Variants in PDE4D observed in about 807,000 individuals in gnomAD.
PDE4D encodes the protein 3',5'-cyclic-AMP phosphodiesterase 4D.
A neutral mutation model predicts 87.4 loss-of-function variants in PDE4D; 24 were observed. The observed-to-expected ratio is 0.27, with a 90% CI of 0.20 to 0.39. The LOEUF is 0.39. PDE4D is among the 10% of genes least tolerant of loss of function. The pLI is 1.00. For synonymous variants in PDE4D, 384 were observed against 383.2 expected (o/e 1.00, Z -0.02); for missense variants, 714 against 1,041.0 (o/e 0.69, Z 4.32).
At chr5:60,278,432 T>C (rs1751578822) in intron 1 of PDE4D, among the ~76,000 whole-genome samples, 1 of 152,146 alleles carries the variant, frequency 6.6e-6, no homozygotes, top group Admixed American at 6.5e-5. Context: ...GTTTATGTGT[T>C]TTACCAAATT....
At chr5:60,450,279 T>G (rs892386867) in intron 1 of PDE4D, among the ~76,000 whole-genome samples, 1 of 152,132 alleles carries the variant, frequency 6.6e-6, no homozygotes, top group Non-Finnish European at 1.5e-5. Flanking sequence ...CTGTGATTGA[T>G]ATTCATGACA....
At chr5:59,200,850 A>T (rs1342000854) in intron 2 of PDE4D, among the ~76,000 whole-genome samples, 3 of 152,022 alleles carry the variant, frequency 2.0e-5, no homozygotes, top group Non-Finnish European at 4.4e-5. Flanking sequence ...CACTGCATGT[A>T]TGTGAGCACA....
At chr5:60,368,815 T>C (rs1315757777) in intron 1 of PDE4D, among the ~76,000 whole-genome samples, 2 of 152,062 alleles carry the variant, frequency 1.3e-5, no homozygotes, top group Non-Finnish European at 2.9e-5. Flanking sequence ...AGTGAAGATG[T>C]GCCTGCTTCC....
At chr5:60,173,113 A>C (rs143001744) in intron 2 of PDE4D, among the ~76,000 whole-genome samples, 1 of 152,250 alleles carries the variant, frequency 6.6e-6, no homozygotes, top group East Asian at 1.9e-4. Flanking sequence ...TCCAGTAGGC[A>C]CATGGTGTAA....
At chr5:60,102,921 A>G (rs1467144637) in intron 2 of PDE4D, among the ~76,000 whole-genome samples, 3 of 151,928 alleles carry the variant, frequency 2.0e-5, no homozygotes, top group Non-Finnish European at 4.4e-5. Flanking sequence ...CTCACACTAA[A>G]TCCATTTTTA....
At chr5:59,788,912 T>G (rs1028737286) in intron 1 of PDE4D, among the ~76,000 whole-genome samples, 3 of 152,132 alleles carry the variant, frequency 2.0e-5, no homozygotes, top group African/African-American at 7.2e-5. Context: ...GATATGGGCT[T>G]TACAAAAAGA....
At chr5:60,244,092 C>A (rs922815004) in intron 1 of PDE4D, among the ~76,000 whole-genome samples, 1 of 151,770 alleles carries the variant, frequency 6.6e-6, no homozygotes, top group African/African-American at 2.4e-5. Flanking sequence ...AACTGGTAAG[C>A]AAATTCAGTA....
chr5:60,050,462 A>T (rs1562027093), intron 2 of PDE4D, among the ~76,000 whole-genome samples: 1 of 152,216 alleles, frequency 6.6e-6, no homozygotes, highest in African/African-American at 2.4e-5. Context: ...GAGAAATAAA[A>T]TCCTTTACAG....
At chr5:59,754,797 ATTTTTTTTTTTT>A (rs754869518) in intron 1 of PDE4D, among the ~76,000 whole-genome samples, 24 of 96,912 alleles carry the variant, frequency 2.5e-4, no homozygotes, top group South Asian at 3.6e-4. Flanking sequence ...TCCACAGAAC[ATTTTTTTTTTTT>A]TTTTTTTTTT....
intron 1 of PDE4D, among the ~76,000 whole-genome samples, chr5:60,214,075 G>A (rs952570793): frequency 2.0e-5 from 3 of 152,052 alleles, no homozygotes; most frequent in Non-Finnish European, 4.4e-5. Context: ...CATTGCAGAC[G>A]CTCAACTTCC....
intron 1 of PDE4D, among the ~76,000 whole-genome samples, chr5:59,808,114 C>A (rs1767946843): frequency 6.6e-6 from 1 of 152,220 alleles, no homozygotes; most frequent in African/African-American, 2.4e-5. Flanking sequence ...ACAGATTTCA[C>A]TGGAACACTA....
At chr5:59,306,344 G>T (rs1771359020) in intron 1 of PDE4D, among the ~76,000 whole-genome samples, 3 of 152,302 alleles carry the variant, frequency 2.0e-5, no homozygotes, top group East Asian at 1.9e-4. Flanking sequence ...TATCCATTCT[G>T]CAGTTCTGCA....
At chr5:60,088,756 A>G (rs575658694) in intron 2 of PDE4D, among the ~76,000 whole-genome samples, 3 of 152,132 alleles carry the variant, frequency 2.0e-5, no homozygotes, top group Non-Finnish European at 4.4e-5. Flanking sequence ...AAAGAAAGAA[A>G]TGATTCTACA....
chr5:60,275,887 A>G (rs2149735047), intron 1 of PDE4D, among the ~76,000 whole-genome samples: 1 of 151,880 alleles, frequency 6.6e-6, no homozygotes, highest in South Asian at 2.1e-4. Flanking sequence ...TCTTTAATCC[A>G]TGGATTTTTA....
At chr5:60,427,902 T>G (rs779130467) in intron 1 of PDE4D, among the ~76,000 whole-genome samples, 4 of 151,926 alleles carry the variant, frequency 2.6e-5, no homozygotes, top group Non-Finnish European at 5.9e-5. Context: ...TGAGACTTCA[T>G]GTCTACTAAA....
intron 1 of PDE4D, among the ~76,000 whole-genome samples, chr5:59,405,277 A>G (rs551791975): frequency 2.2e-4 from 34 of 152,136 alleles, no homozygotes; most frequent in Admixed American, 6.5e-4. Context: ...TATAGTTTTC[A>G]TTGTAGAACT....
intron 2 of PDE4D, among the ~76,000 whole-genome samples, chr5:60,110,767 G>A (rs902537167): frequency 6.6e-6 from 1 of 151,958 alleles, no homozygotes; most frequent in Non-Finnish European, 1.5e-5. Flanking sequence ...TCTACCAACA[G>A]ACAAATAGAT....
At chr5:59,668,632 C>T (rs1746459172) in intron 1 of PDE4D, among the ~76,000 whole-genome samples, 1 of 151,536 alleles carries the variant, frequency 6.6e-6, no homozygotes, top group South Asian at 2.1e-4. Flanking sequence ...CACTTCGGTC[C>T]AGGAGTTTGG....
chr5:59,550,931 C>T (rs1168454595), intron 1 of PDE4D, among the ~76,000 whole-genome samples: 6 of 151,982 alleles, frequency 3.9e-5, no homozygotes, highest in African/African-American at 1.5e-4. Context: ...CTCCTGACCT[C>T]GTGATCCACC....
Sources: allele counts gnomAD v4.1 joint callset (sites outside exome capture counted in the v4.1 genomes callset), GRCh38; gene constraint gnomAD v4.1.1; transcripts MANE v1.5; gene names NCBI Gene and HGNC (gene_info 2026-07-23, HGNC 2026-07-21).